The following CACNA1I variants were observed in gnomAD, a reference collection of about 807,000 sequenced individuals.
The protein encoded by CACNA1I is voltage-dependent T-type calcium channel subunit alpha-1I.
In CACNA1I, 74 loss-of-function variants were observed where a neutral mutation model predicts 201.6. The observed-to-expected ratio is 0.37, with a 90% confidence interval of 0.30 to 0.45. The LOEUF (loss-of-function observed/expected upper bound fraction) is 0.45, where lower values mean the gene tolerates loss of function less well. Among genes scored for constraint, CACNA1I ranks in the 20% least tolerant of loss-of-function variants. The pLI, the probability that CACNA1I is intolerant of heterozygous loss-of-function variation, is 1.00. For synonymous variants in CACNA1I, 1,431 were observed against 1,345.2 expected (o/e 1.06, Z -1.40); for missense variants, 2,346 against 3,138.1 (o/e 0.75, Z 6.03).
rs752033947 is a variant in CACNA1I at position 39,649,777 on chromosome 22, C to A, written c.1844C>A (p.Ala615Glu). ...LGKEEEEEEQ[A>E]DGAVWLCGDV... ...AAGGAGGAGGAGGAGGAGGAGCAGG[C>A]GGATGGGGCGGTCTGGCTGTGCGGG... Residue 615 changes from alanine to glutamate, a missense_variant, in exon 10 of 37, where the codon GCG (alanine) becomes GAG (glutamate). Ala to Glu is a moderately radical substitution (Grantham distance 107, BLOSUM62 -1). Coordinates refer to ENST00000402142, the MANE Select transcript of CACNA1I (RefSeq NM_021096.4). This position sits in a 1 kb window ranked among gnomAD's most constrained non-coding sequence, Gnocchi z 7.3. 6.2e-7 allele frequency: 1 copy of A among 1,605,874 alleles called. No individual in the cohort carries two copies. The highest frequency in any genetic ancestry group is 1.1e-5 in the South Asian group (1 of 90,008).
At chr22:39,610,923 G>A (rs529844685) in intron 3 of CACNA1I, among the ~76,000 whole-genome samples, 30 of 152,204 alleles carry the variant, frequency 2.0e-4, no homozygotes, top group Admixed American at 9.2e-4. Context: ...TGTGGGGCAT[G>A]TGCTCATCCC....
intron 3 of CACNA1I, among the ~76,000 whole-genome samples, chr22:39,618,987 G>A (rs1439476751): frequency 2.0e-5 from 3 of 152,200 alleles, no homozygotes; most frequent in African/African-American, 4.8e-5. Context: ...AGCTGGGGCT[G>A]ACATGGGCCA....
chr22:39,647,021 G>A, intron 8 of CACNA1I, 140 bp downstream of exon 8: 1 of 1,330,102 alleles, frequency 7.5e-7, no homozygotes, highest in African/African-American at 1.5e-5. Flanking sequence ...CAGCCCCCAG[G>A]GACCTCTGTC....
intron 1 of CACNA1I, among the ~76,000 whole-genome samples, chr22:39,589,145 A>G (rs765299195): frequency 1.3e-5 from 2 of 152,190 alleles, no homozygotes; most frequent in Non-Finnish European, 2.9e-5. Context: ...AGACACGGCC[A>G]AATGTCCCTT....
Position 39,662,442 on chromosome 22 carries a change from G to A in CACNA1I, c.3372+7G>A. ...TGAGGAGGAAATCGACTACGTGAGT[G>A]GGGGCGGGGCCGAAGGGGACCTGGT... is the stretch of plus-strand genomic sequence containing the variant. On this transcript the variant is annotated splice_region_variant and intron_variant, in intron 17 of 36. Transcript: ENST00000402142. The A allele has an allele frequency of 1.4e-6, 2 of 1,429,658 alleles. No homozygotes were observed. The highest frequency in any genetic ancestry group is 1.8e-6 in the Non-Finnish European group (2 of 1,098,646). 88.6% of individuals were successfully genotyped at this position (1,429,658 alleles called of 1,614,324 possible).
rs375191562 is a variant in CACNA1I, at chr22:39,592,753, G to A, written c.237-5398G>A. Among the ~76,000 whole-genome samples the A allele has an allele frequency of 4.7e-4, 71 of 152,294 alleles. No individual in the cohort carries two copies. The East Asian group carries it at 9.1e-3, about 19-fold the overall frequency. On this transcript the variant is annotated intron_variant, in intron 1 of 36. Coordinates refer to ENST00000402142, the MANE Select transcript of CACNA1I (RefSeq NM_021096.4). ...GGTTGTCCCCGAACCTCACGGCTTC[G>A]CTTGCCTGTGTTCTCAGAGAGTTCC...
Position 39,685,183 on chromosome 22 carries a change from G to A in CACNA1I, c.6028-578G>A, listed in dbSNP as rs1351114297. 6.4e-6 allele frequency: 1 copy of A among 157,162 alleles called. No homozygotes were observed. The highest frequency in any genetic ancestry group is 1.4e-5 in the Non-Finnish European group (1 of 71,626). The allele number at this position is 157,162 out of a possible 1,614,324, so 9.7% of individuals were successfully genotyped here. A position where few individuals can be genotyped will look rare whatever the true frequency, so the allele number is the denominator to read the frequency against. On this transcript the variant is annotated intron_variant, in intron 36 of 36. Transcript: ENST00000402142. This position sits in a 1 kb window ranked among gnomAD's most constrained non-coding sequence, Gnocchi z 5.0. ...TTTAGTGCTGAGAGTGAGCTGCCTG[G>A]GTGCAGGAGGGATGATAACCAAAAT...
At position 39,668,279 on chromosome 22, in the gene CACNA1I, C is replaced by G. The variant is rs187850222; in HGVS notation, c.4105-13C>G. 3.0e-5 allele frequency: 48 copies of G among 1,587,208 alleles called. No individual in the cohort carries two copies. In the East Asian group the frequency reaches 9.6e-4, roughly 32 times the overall value. On this transcript the variant is annotated splice_polypyrimidine_tract_variant and intron_variant, in intron 23 of 36. Coordinates refer to ENST00000402142, the MANE Select transcript of CACNA1I (RefSeq NM_021096.4). ...GTCCTCACCCCTGCATTCCGCCTCC[C>G]CATGTCTCCCAGGCTCTGATGTCCC...
In CACNA1I at chr22:39,670,921, C is replaced by T; in HGVS notation, c.4506C>T (p.Val1502=). Residue 1502 remains valine (V), a synonymous_variant, in exon 26 of 37, where the codon GTC becomes GTT. Transcript: ENST00000402142. The part of the protein sequence containing the change: ...FITFIICLNV[V]TMSLEHYNQP... Reference sequence around the variant, plus strand: ...CCTTCATCATCTGCCTCAACGTGGTCACCATGTCCCTGGAGCACTACAATC... The same window carrying T: ...CCTTCATCATCTGCCTCAACGTGGTTACCATGTCCCTGGAGCACTACAATC... 6.2e-7 allele frequency: 1 copy of T among 1,613,964 alleles called. No individual in the cohort carries two copies. The highest frequency in any genetic ancestry group is 8.5e-7 in the Non-Finnish European group (1 of 1,179,878).
rs370018764 is a variant in CACNA1I, at chr22:39,634,757, G to A, written c.740+33G>A. On this transcript the variant is annotated intron_variant, in intron 5 of 36. Transcript: ENST00000402142. ...CATCCCCTGCCACCCATGCAGCTCC[G>A]GGGACTCTTACTAAGACACAGTTTT... 235 of 1,598,712 alleles carry A rather than the reference G, an allele frequency of 1.5e-4. No homozygotes were observed. In the African/African-American group the frequency reaches 2.2e-3, roughly 15 times the overall value.
intron 26 of CACNA1I, among the ~76,000 whole-genome samples, 156 bp downstream of exon 26, chr22:39,671,110 G>A (rs997005620): frequency 2.0e-5 from 3 of 152,176 alleles, no homozygotes; most frequent in African/African-American, 4.8e-5. Flanking sequence ...TGCAGTGGGA[G>A]GAGGTGCCGG....
At chr22:39,632,066 G>T (rs907429488) in intron 4 of CACNA1I, among the ~76,000 whole-genome samples, 1 of 152,148 alleles carries the variant, frequency 6.6e-6, no homozygotes, top group Non-Finnish European at 1.5e-5. Flanking sequence ...AGCCGGATAG[G>T]TTTGCAGGAG....
intron 4 of CACNA1I, among the ~76,000 whole-genome samples, chr22:39,622,144 C>T (rs945262598): frequency 5.3e-5 from 8 of 152,120 alleles, no homozygotes; most frequent in African/African-American, 1.4e-4. Flanking sequence ...AGGTGGCCTC[C>T]GTACACTCAG....
intron 3 of CACNA1I, among the ~76,000 whole-genome samples, chr22:39,604,940 G>C (rs1257854111): frequency 1.3e-5 from 2 of 152,008 alleles, no homozygotes; most frequent in Non-Finnish European, 2.9e-5. Flanking sequence ...TGGGAACTCA[G>C]GTGAACAGGA....
Position 39,686,092 on chromosome 22 carries a change from G to A in CACNA1I, c.6359G>A (p.Gly2120Asp), listed in dbSNP as rs954978643. Reference sequence around the variant, plus strand: ...GGTGGCGCGGGCGGCGGGGGCGCGGGCAGCGAGCACTCGGAGACCCTCAGC... The same window carrying A: ...GGTGGCGCGGGCGGCGGGGGCGCGGACAGCGAGCACTCGGAGACCCTCAGC... ...GRGGAGGGGA[G>D]SEHSETLSSL... The change falls in exon 37 of 37, where the codon GGC becomes GAC. Residue 2120 changes from glycine to aspartate, a missense_variant. Coordinates refer to ENST00000402142, the MANE Select transcript of CACNA1I (RefSeq NM_021096.4). The A allele has an allele frequency of 2.4e-6, 3 of 1,236,234 alleles. No homozygotes were observed. The African/African-American group carries it at 4.7e-5, about 19-fold the overall frequency. 76.6% of individuals were successfully genotyped at this position (1,236,234 alleles called of 1,614,324 possible).
intron 7 of CACNA1I, among the ~76,000 whole-genome samples, chr22:39,644,831 G>A (rs1312810876): frequency 6.6e-6 from 1 of 152,192 alleles, no homozygotes; most frequent in East Asian, 1.9e-4. Context: ...GGGACTATAG[G>A]CATGCACCAC....
chr22:39,685,620 T>A lies in CACNA1I; in HGVS notation c.6028-141T>A, dbSNP rs1052058718. ...GCGGTGACGCCGCCTAAGCTGGACG[T>A]GCGGAGGGGAGAAGCCCTGCTCCGA... On this transcript the variant is annotated intron_variant, in intron 36 of 36. Transcript: ENST00000402142. This position sits in a 1 kb window ranked among gnomAD's most constrained non-coding sequence, Gnocchi z 5.0. The A allele has an allele frequency of 3.0e-6, 2 of 673,124 alleles. No homozygotes were observed. Among genetic ancestry groups the A allele is most frequent in the African/African-American group, 3.9e-5 (2 of 51,244 alleles). 41.7% of individuals were successfully genotyped at this position (673,124 alleles called of 1,614,324 possible).
chr22:39,643,182 C>G (rs539788271), intron 7 of CACNA1I, among the ~76,000 whole-genome samples: 24 of 152,320 alleles, frequency 1.6e-4, no homozygotes, highest in African/African-American at 5.8e-4. Context: ...TGTCTCTGGG[C>G]TACATTCTTT....
intron 3 of CACNA1I, among the ~76,000 whole-genome samples, chr22:39,606,681 C>T (rs183212825): frequency 2.6e-5 from 4 of 152,244 alleles, no homozygotes; most frequent in East Asian, 3.9e-4. Flanking sequence ...TACAGGCATG[C>T]GCCGCCATGC....
Sources: allele counts gnomAD v4.1 joint callset (sites outside exome capture counted in the v4.1 genomes callset), GRCh38; gene constraint gnomAD v4.1.1; non-coding constraint Gnocchi (gnomAD v3.1); transcripts MANE v1.5; gene names NCBI Gene and HGNC (gene_info 2026-07-23, HGNC 2026-07-21).